Variants in GID4 observed in about 807,000 individuals in gnomAD.
The protein encoded by GID4 is glucose-induced degradation protein 4 homolog.
A neutral mutation model predicts 32.4 loss-of-function variants in GID4; 7 were observed. The ratio of observed to expected loss-of-function variants is 0.22; its 90% CI spans 0.12 to 0.41. GID4 has a LOEUF of 0.41. GID4 is among the 10% of genes least tolerant of loss of function. The probability of loss-of-function intolerance (pLI) is 1.00; values close to 1 mark genes in which losing one functional copy is unlikely to be tolerated. For missense variants in GID4, 309 were observed against 400.0 expected, an observed-to-expected ratio of 0.77 and a Z score of 1.94; for synonymous variants, 166 against 170.0, an observed-to-expected ratio of 0.98 and a Z score of 0.18.
In GID4 at chr17:18,061,729, T is replaced by C; in HGVS notation, c.709-116T>C. On this transcript the variant is annotated intron_variant, in intron 4 of 5. Coordinates refer to ENST00000268719, the MANE Select transcript of GID4 (RefSeq NM_024052.5). The surrounding 1 kb of genome is among the most constrained non-coding windows in gnomAD (Gnocchi z 4.4). ...ATCACCCAGCAAGTCTAGGTTAGAC[T>C]ATGAGATCCTATATTTTTCTCGAGT... 2 of 982,164 alleles carry C rather than the reference T, an allele frequency of 2.0e-6. No homozygotes were observed. The highest frequency in any genetic ancestry group is 1.4e-5 in the South Asian group (1 of 71,148). 60.8% of individuals were successfully genotyped at this position (982,164 alleles called of 1,614,324 possible). A position where few individuals can be genotyped will look rare whatever the true frequency, so the allele number is the denominator to read the frequency against.
rs943770247 is a variant in GID4 at position 18,061,560 on chromosome 17, A to G, written c.709-285A>G. Among the ~76,000 whole-genome samples the G allele has an allele frequency of 1.3e-5, 2 of 152,192 alleles. No individual in the cohort carries two copies. The highest frequency in any genetic ancestry group is 1.9e-4 in the East Asian group (1 of 5,204). ...GGCAGGTGAGTAGGTATTGATTTAT[A>G]TATTAGATGTTTCGGCCATGGTACC... On this transcript the variant is annotated intron_variant, in intron 4 of 5. Transcript: ENST00000268719. This position sits in a 1 kb window ranked among gnomAD's most constrained non-coding sequence, Gnocchi z 4.4.
At chr17:18,049,364 CAAA>C (rs576086309) in intron 2 of GID4, among the ~76,000 whole-genome samples, 1 of 120,618 alleles carries the variant, frequency 8.3e-6, no homozygotes. Flanking sequence ...AGATAAGTGT[CAAA>C]AAAAAAAAAA....
At position 18,039,547 on chromosome 17, in the gene GID4, G is replaced by A. The variant is rs2044761514; in HGVS notation, c.83G>A (p.Arg28Gln). The A allele has an allele frequency of 7.6e-7, 1 of 1,307,908 alleles. No individual in the cohort carries two copies. The allele number at this position is 1,307,908 out of a possible 1,614,324, so 81.0% of individuals were successfully genotyped here. The change falls in exon 1 of 6, where the codon CGG becomes CAG. Residue 28 changes from arginine to glutamine, a missense_variant. Around this residue, in one of 2 missense-constraint regions of GID4, gnomAD observed 193 missense variants for 185.8 expected, o/e 1.04. Coordinates refer to ENST00000268719, the MANE Select transcript of GID4 (RefSeq NM_024052.5). The surrounding 1 kb of genome is among the most constrained non-coding windows in gnomAD (Gnocchi z 5.3). ...PCSQVPGSRWRPERLLRRQRA... is the reference protein window; with the variant it reads ...PCSQVPGSRWQPERLLRRQRA... The stretch of plus-strand genomic sequence containing the variant: ...TCGCAGGTCCCTGGGTCCCGGTGGC[G>A]GCCGGAGCGCTTGCTCCGCAGGCAG...
Position 18,067,814 on chromosome 17 carries a change from GA to G in GID4, c.*2572del, listed in dbSNP as rs1316092143. 3.3e-5 allele frequency: 5 copies of G among 152,640 alleles called. No individual in the cohort carries two copies. The highest frequency in any genetic ancestry group is 7.3e-5 in the Non-Finnish European group (5 of 68,046). The allele number at this position is 152,640 out of a possible 1,614,324, so 9.5% of individuals were successfully genotyped here. A position where few individuals can be genotyped will look rare whatever the true frequency, so the allele number is the denominator to read the frequency against. ...CCCAAACAAGCCTGCCATGAGGTAG[GA>G]TCCTAGGGGTTTGGCTGTTCTTACT... On this transcript the variant is annotated 3_prime_UTR_variant, in exon 6 of 6. Coordinates refer to ENST00000268719, the MANE Select transcript of GID4 (RefSeq NM_024052.5).
intron 1 of GID4, among the ~76,000 whole-genome samples, chr17:18,043,077 C>T (rs2044818447): frequency 1.3e-5 from 2 of 152,156 alleles, no homozygotes; most frequent in Admixed American, 1.3e-4. Flanking sequence ...TAGAAGGGAG[C>T]CCTGGTCGCT....
At chr17:18,050,573 A>G (rs1427030236) in intron 2 of GID4, among the ~76,000 whole-genome samples, 20 of 152,212 alleles carry the variant, frequency 1.3e-4, no homozygotes, top group Admixed American at 1.3e-3. Context: ...GTGCTTAACT[A>G]GGGAGACAGG....
chr17:18,046,953 T>G (rs1002713709), intron 2 of GID4, among the ~76,000 whole-genome samples: 1 of 149,626 alleles, frequency 6.7e-6, no homozygotes, highest in Non-Finnish European at 1.5e-5. Context: ...AAATCCCTGC[T>G]CTGTCTAAGA....
rs562590101 is a variant in GID4, at chr17:18,064,406, G to T, written c.840-774G>T. ...TTGTAGTTCTAATTTGCATATTTTT[G>T]ATGGCTAATGCATATTTCTTTCCTG... On this transcript the variant is annotated intron_variant, in intron 5 of 5. Transcript: ENST00000268719. Among the ~76,000 whole-genome samples, 4 of 152,264 alleles carry T rather than the reference G, an allele frequency of 2.6e-5. No homozygotes were observed. The South Asian group carries it at 8.3e-4, about 32-fold the overall frequency.
Position 18,039,627 on chromosome 17 carries a change from TCCCTCCCCGCCA to T in GID4, c.170_181del (p.Pro57_Leu60del). On this transcript the variant is annotated inframe_deletion, in exon 1 of 6. Coordinates refer to ENST00000268719, the MANE Select transcript of GID4 (RefSeq NM_024052.5). This position sits in a 1 kb window ranked among gnomAD's most constrained non-coding sequence, Gnocchi z 5.3. The stretch of plus-strand genomic sequence containing the variant: ...CCCCGCGCGTGCGCGCCCCGGCCTC[TCCCTCCCCGCCA>T]CCCTCCTCGGCTCCCGCGCGGCGGC... 2 of 1,020,094 alleles carry T rather than the reference TCCCTCCCCGCCA, an allele frequency of 2.0e-6. No individual in the cohort carries two copies. The highest frequency in any genetic ancestry group is 2.4e-6 in the Non-Finnish European group (2 of 850,020). The allele number at this position is 1,020,094 out of a possible 1,614,324, so 63.2% of individuals were successfully genotyped here.
intron 2 of GID4, among the ~76,000 whole-genome samples, chr17:18,050,005 T>G (rs545748447): frequency 4.2e-4 from 64 of 152,354 alleles, no homozygotes; most frequent in African/African-American, 1.5e-3. Flanking sequence ...TGCATTAGTT[T>G]GCTAAGGATA....
At chr17:18,052,167 T>C (rs752333050) in intron 2 of GID4, among the ~76,000 whole-genome samples, 3 of 152,114 alleles carry the variant, frequency 2.0e-5, no homozygotes, top group Non-Finnish European at 2.9e-5. Context: ...TCAGTCTATG[T>C]ATTTAAATAT....
rs760547550 is a variant in GID4 at position 18,045,128 on chromosome 17, G to A, written c.439-19G>A. ...TAAGTTTATCTATTTGTGACAGGCT[G>A]TGTATCCTTTCTTTTCAGCACGTGG... is the stretch of plus-strand genomic sequence containing the variant. On this transcript the variant is annotated intron_variant, in intron 1 of 5. Coordinates refer to ENST00000268719, the MANE Select transcript of GID4 (RefSeq NM_024052.5). 3.1e-6 allele frequency: 5 copies of A among 1,603,438 alleles called. No homozygotes were observed. The African/African-American group carries it at 4.0e-5, about 13-fold the overall frequency.
chr17:18,046,521 T>C (rs1030785188), intron 2 of GID4, among the ~76,000 whole-genome samples: 2 of 152,048 alleles, frequency 1.3e-5, no homozygotes, highest in Non-Finnish European at 2.9e-5. Flanking sequence ...GGCTGGAGTA[T>C]CGCTTGAGGC....
chr17:18,062,602 A>G (rs2045025978), intron 5 of GID4, among the ~76,000 whole-genome samples: 1 of 152,206 alleles, frequency 6.6e-6, no homozygotes, highest in African/African-American at 2.4e-5. Flanking sequence ...CTCTGAAGGT[A>G]AAAATTCTTT....
At position 18,068,284 on chromosome 17, in the gene GID4, A is replaced by G. The variant is rs1257321670; in HGVS notation, c.*3041A>G. On this transcript the variant is annotated 3_prime_UTR_variant, in exon 6 of 6. Transcript: ENST00000268719. ...ACTTGAATGGGCACAAAGTATAAAT[A>G]TTTTGTTTCTTTATGGAGGACATGT... is the stretch of plus-strand genomic sequence containing the variant. The G allele has an allele frequency of 6.6e-6, 1 of 152,490 alleles. No homozygotes were observed. Among genetic ancestry groups the G allele is most frequent in the Non-Finnish European group, 1.5e-5 (1 of 68,028 alleles). 9.4% of individuals were successfully genotyped at this position (152,490 alleles called of 1,614,324 possible).
chr17:18,064,912 CT>C (rs1282709962), intron 5 of GID4, among the ~76,000 whole-genome samples: 3 of 151,924 alleles, frequency 2.0e-5, no homozygotes, highest in African/African-American at 7.3e-5. Context: ...TTGAGGTCTC[CT>C]TTTTATAAAA....
intron 2 of GID4, among the ~76,000 whole-genome samples, chr17:18,046,344 C>A (rs922640740): frequency 6.6e-6 from 1 of 152,192 alleles, no homozygotes; most frequent in African/African-American, 2.4e-5. Flanking sequence ...GTGGCTCACA[C>A]CTGTAATCCC....
chr17:18,039,634 C>G lies in GID4; in HGVS notation c.170C>G (p.Pro57Arg). The change falls in exon 1 of 6, where the codon CCC becomes CGC. Residue 57 changes from proline to arginine, a missense_variant. Physicochemically the swap from Pro to Arg is moderately radical, Grantham distance 103. Coordinates refer to ENST00000268719, the MANE Select transcript of GID4 (RefSeq NM_024052.5). This position sits in a 1 kb window ranked among gnomAD's most constrained non-coding sequence, Gnocchi z 5.3. Reference sequence around the variant, plus strand: ...CGTGCGCGCCCCGGCCTCTCCCTCCCCGCCACCCTCCTCGGCTCCCGCGCG... The same window carrying G: ...CGTGCGCGCCCCGGCCTCTCCCTCCGCGCCACCCTCCTCGGCTCCCGCGCG... ...PARARPGLSL[P>R]ATLLGSRAAA... 1 of 1,323,904 alleles carries G rather than the reference C, an allele frequency of 7.6e-7. No individual in the cohort carries two copies. The highest frequency in any genetic ancestry group is 3.9e-5 in the Admixed American group (1 of 25,580). The allele number at this position is 1,323,904 out of a possible 1,614,324, so 82.0% of individuals were successfully genotyped here.
chr17:18,064,120 T>C (rs2045040155), intron 5 of GID4, among the ~76,000 whole-genome samples: 1 of 152,244 alleles, frequency 6.6e-6, no homozygotes, highest in Non-Finnish European at 1.5e-5. Flanking sequence ...CTCTTGTGAA[T>C]AATGCTGCTG....
Sources: gnomAD v4.1 joint callset for allele counts (sites outside exome capture counted in the v4.1 genomes callset) on GRCh38, gnomAD v4.1.1 for gene constraint, gnomAD v4.1.1 regional missense constraint, Gnocchi (gnomAD v3.1) non-coding constraint, MANE v1.5 for transcripts, NCBI Gene and HGNC (gene_info 2026-07-23, HGNC 2026-07-21) for gene names.